PLD5: variants seen among roughly 807,000 people sequenced by gnomAD.
The protein encoded by PLD5 is inactive phospholipase D5.
A neutral mutation model predicts 61.1 loss-of-function variants in PLD5; 36 were observed. That is an observed-to-expected ratio of 0.59 (90% CI 0.45 to 0.78). The LOEUF is 0.78. PLD5 is among the 30% of genes least tolerant of loss of function. PLD5 has a pLI of 0.00. For synonymous variants in PLD5, 243 were observed against 242.8 expected (o/e 1.00, Z -0.01); for missense variants, 515 against 644.4 (o/e 0.80, Z 2.17).
At chr1:242,223,234 C>T (rs1670716238) in intron 4 of PLD5, among the ~76,000 whole-genome samples, 1 of 152,194 alleles carries the variant, frequency 6.6e-6, no homozygotes, top group Admixed American at 6.5e-5. Context: ...TTGCTGCTTT[C>T]CTAACCCAGT....
At chr1:242,411,629 T>C (rs1664564519) in intron 1 of PLD5, among the ~76,000 whole-genome samples, 1 of 152,202 alleles carries the variant, frequency 6.6e-6, no homozygotes, top group African/African-American at 2.4e-5. Flanking sequence ...TTTAGGAATT[T>C]TATAGGATGA....
chr1:242,288,308 G>T, intron 3 of PLD5, 54 bp downstream of exon 3: 1 of 1,587,136 alleles, frequency 6.3e-7, no homozygotes, highest in Non-Finnish European at 8.5e-7. Context: ...GAATACTAAG[G>T]AGTGGAAAAT....
intron 9 of PLD5, among the ~76,000 whole-genome samples, chr1:242,097,281 G>T (rs944172581): frequency 6.6e-6 from 1 of 152,104 alleles, no homozygotes; most frequent in African/African-American, 2.4e-5. Context: ...AGGATGGCTG[G>T]GTCAAATGGT....
chr1:242,127,188 C>T (rs1044217359), intron 5 of PLD5, among the ~76,000 whole-genome samples: 16 of 152,140 alleles, frequency 1.1e-4, no homozygotes, highest in African/African-American at 3.4e-4. Flanking sequence ...ACAGGGAACG[C>T]TTCTACACCG....
At chr1:242,425,845 CT>C (rs1419736144) in intron 1 of PLD5, among the ~76,000 whole-genome samples, 1 of 151,740 alleles carries the variant, frequency 6.6e-6, no homozygotes, top group Non-Finnish European at 1.5e-5. Context: ...GGGTTTCATC[CT>C]GTTGGACAGG....
intron 2 of PLD5, among the ~76,000 whole-genome samples, chr1:242,329,288 G>C (rs111602988): frequency 6.6e-6 from 1 of 152,226 alleles, no homozygotes; most frequent in Non-Finnish European, 1.5e-5. Context: ...GGGATTATAC[G>C]CATGAGCCAC....
intron 1 of PLD5, among the ~76,000 whole-genome samples, chr1:242,472,352 C>A (rs1286603841): frequency 2.0e-5 from 3 of 152,184 alleles, no homozygotes; most frequent in Non-Finnish European, 2.9e-5. Context: ...GTCTGAATGA[C>A]CAGGCATCTG....
intron 1 of PLD5, among the ~76,000 whole-genome samples, chr1:242,491,852 C>T (rs1668163538): frequency 2.6e-5 from 4 of 152,214 alleles, no homozygotes; most frequent in Non-Finnish European, 5.9e-5. Flanking sequence ...ACTTTCCACA[C>T]ATATTCTTAA....
intron 1 of PLD5, among the ~76,000 whole-genome samples, chr1:242,351,972 A>T (rs887760854): frequency 1.3e-5 from 2 of 152,220 alleles, no homozygotes; most frequent in African/African-American, 4.8e-5. Flanking sequence ...TTATAGTTTT[A>T]TAAGGTACAA....
chr1:242,208,196 G>T (rs190728061), intron 5 of PLD5, among the ~76,000 whole-genome samples: 2 of 151,308 alleles, frequency 1.3e-5, no homozygotes, highest in Admixed American at 1.3e-4. Context: ...TAATAAGCAG[G>T]ATCTCTTTCT....
At chr1:242,207,774 TTA>T (rs1243713167) in intron 5 of PLD5, among the ~76,000 whole-genome samples, 1 of 108,928 alleles carries the variant, frequency 9.2e-6, no homozygotes, top group Middle Eastern at 3.8e-3. Flanking sequence ...TTATATATAT[TTA>T]TATATATTTA....
At chr1:242,165,990 G>T (rs529095353) in intron 5 of PLD5, among the ~76,000 whole-genome samples, 1 of 152,160 alleles carries the variant, frequency 6.6e-6, no homozygotes, top group East Asian at 1.9e-4. Context: ...GCGCTGCCCC[G>T]CACCACACCC....
At chr1:242,471,084 G>A (rs1667436678) in intron 1 of PLD5, among the ~76,000 whole-genome samples, 1 of 152,150 alleles carries the variant, frequency 6.6e-6, no homozygotes, top group African/African-American at 2.4e-5. Flanking sequence ...AGGGCTCCCT[G>A]GTGGAGCTGG....
intron 1 of PLD5, among the ~76,000 whole-genome samples, chr1:242,428,827 A>T (rs981628840): frequency 6.6e-6 from 1 of 152,244 alleles, no homozygotes; most frequent in Non-Finnish European, 1.5e-5. Flanking sequence ...TCACGATGAT[A>T]AAAATTTACT....
chr1:242,176,706 G>A (rs549923626), intron 5 of PLD5, among the ~76,000 whole-genome samples: 4 of 152,158 alleles, frequency 2.6e-5, no homozygotes, highest in Non-Finnish European at 5.9e-5. Context: ...CTAATATCCA[G>A]CATCTACAAA....
At chr1:242,418,093 A>G (rs1047538477) in intron 1 of PLD5, among the ~76,000 whole-genome samples, 3 of 152,212 alleles carry the variant, frequency 2.0e-5, no homozygotes, top group Non-Finnish European at 2.9e-5. Flanking sequence ...AGGATGTTGC[A>G]TTAGAAGAGG....
intron 5 of PLD5, among the ~76,000 whole-genome samples, chr1:242,200,513 G>A (rs751252977): frequency 2.6e-5 from 4 of 152,128 alleles, no homozygotes; most frequent in Admixed American, 6.5e-5. Context: ...GTTAAAGAAG[G>A]CTCTCAGCTA....
chr1:242,463,527 C>T (rs1485672164), intron 1 of PLD5, among the ~76,000 whole-genome samples: 1 of 152,156 alleles, frequency 6.6e-6, no homozygotes, highest in Non-Finnish European at 1.5e-5. Context: ...CCCAAACTTC[C>T]AACGCCTTCT....
Position 242,288,356 on chromosome 1 carries a change from G to A in PLD5, c.495+6C>T. On this transcript the variant is annotated splice_donor_region_variant and intron_variant, in intron 3 of 9. Coordinates refer to ENST00000536534, the MANE Select transcript of PLD5 (RefSeq NM_001372062.1). ...AATCATCACACACACAGAGGATGTA[G>A]CTTACCTGACATGCTGATGGATGAG... 6.2e-7 allele frequency: 1 copy of A among 1,611,872 alleles called. No individual in the cohort carries two copies. Among genetic ancestry groups the A allele is most frequent in the Non-Finnish European group, 8.5e-7 (1 of 1,179,428 alleles).
Sources: gnomAD v4.1 joint callset for allele counts (sites outside exome capture counted in the v4.1 genomes callset) on GRCh38, gnomAD v4.1.1 for gene constraint, MANE v1.5 for transcripts, NCBI Gene and HGNC (gene_info 2026-07-23, HGNC 2026-07-21) for gene names.